ANKS1B: variants seen among roughly 807,000 people sequenced by gnomAD.
ANKS1B encodes the protein ankyrin repeat and sterile alpha motif domain-containing protein 1B.
Under a neutral mutation model 148.3 loss-of-function variants are expected in ANKS1B, and 36 were observed. The ratio of observed to expected loss-of-function variants is 0.24; its 90% CI spans 0.19 to 0.32. The LOEUF is 0.32. Ranked by LOEUF, ANKS1B falls within the 10% of genes least tolerant of loss-of-function variation. The pLI, the probability that ANKS1B is intolerant of heterozygous loss-of-function variation, is 1.00. For missense variants in ANKS1B, 1,157 were observed against 1,542.6 expected, an observed-to-expected ratio of 0.75 and a Z score of 4.19; for synonymous variants, 542 against 560.8, an observed-to-expected ratio of 0.97 and a Z score of 0.47.
chr12:99,439,206 C>G (rs2095509807), intron 11 of ANKS1B, among the ~76,000 whole-genome samples: 1 of 151,552 alleles, frequency 6.6e-6, no homozygotes, highest in South Asian at 2.1e-4. Context: ...AATATAAAAA[C>G]CAGAACGAGA....
chr12:99,040,312 G>C (rs2099958169), intron 17 of ANKS1B, among the ~76,000 whole-genome samples: 1 of 151,916 alleles, frequency 6.6e-6, no homozygotes, highest in South Asian at 2.1e-4. Flanking sequence ...TGGTACTACA[G>C]GGTCATTTAT....
chr12:99,331,145 G>A (rs777519114), intron 12 of ANKS1B, among the ~76,000 whole-genome samples: 12 of 151,694 alleles, frequency 7.9e-5, no homozygotes, highest in South Asian at 2.1e-4. Flanking sequence ...GTATATGACC[G>A]TGCATGTGTT....
At chr12:99,678,993 A>C (rs1456137948) in intron 8 of ANKS1B, among the ~76,000 whole-genome samples, 1 of 152,228 alleles carries the variant, frequency 6.6e-6, no homozygotes, top group African/African-American at 2.4e-5. Context: ...CAGTGTCTAG[A>C]ACTAAAAGAA....
At chr12:99,520,878 C>A (rs12580860) in intron 9 of ANKS1B, among the ~76,000 whole-genome samples, 3,860 of 152,240 alleles carry the variant, frequency 0.025, 77 homozygotes, top group South Asian at 0.088. Context: ...CTCACTGCAA[C>A]CTTCACTTCC....
chr12:98,851,510 C>T (rs2099525875), intron 17 of ANKS1B, among the ~76,000 whole-genome samples: 1 of 152,052 alleles, frequency 6.6e-6, no homozygotes, highest in African/African-American at 2.4e-5. Context: ...TACTTAGTTC[C>T]CTATTAATTT....
chr12:99,134,405 G>A (rs1566328095), intron 15 of ANKS1B, among the ~76,000 whole-genome samples: 1 of 152,018 alleles, frequency 6.6e-6, no homozygotes, highest in Non-Finnish European at 1.5e-5. Flanking sequence ...TGTTTGCAGA[G>A]GGTCCTGAAT....
At chr12:99,916,513 A>G (rs1163435639) in intron 1 of ANKS1B, among the ~76,000 whole-genome samples, 2 of 152,218 alleles carry the variant, frequency 1.3e-5, no homozygotes, top group East Asian at 3.8e-4. Context: ...CCCTGAGTAC[A>G]TAATTGAGAT....
intron 10 of ANKS1B, among the ~76,000 whole-genome samples, chr12:99,500,493 G>A (rs1595929134): frequency 2.0e-5 from 3 of 152,226 alleles, no homozygotes; most frequent in South Asian, 2.1e-4. Context: ...TGAACAGCCC[G>A]AGATCATAAG....
At chr12:99,016,194 G>T (rs1401860773) in intron 17 of ANKS1B, among the ~76,000 whole-genome samples, 1 of 137,700 alleles carries the variant, frequency 7.3e-6, no homozygotes, top group Admixed American at 7.6e-5. Flanking sequence ...TTAGACATTT[G>T]CTATGAAGGA....
intron 12 of ANKS1B, among the ~76,000 whole-genome samples, chr12:99,275,897 C>T (rs1361057718): frequency 6.6e-6 from 1 of 152,148 alleles, no homozygotes; most frequent in Non-Finnish European, 1.5e-5. Context: ...TCTTCAGTCT[C>T]AATTTTCCAT....
intron 9 of ANKS1B, among the ~76,000 whole-genome samples, chr12:99,509,474 T>C (rs1008422262): frequency 1.3e-5 from 2 of 151,916 alleles, no homozygotes; most frequent in African/African-American, 4.8e-5. Context: ...GGAGAAAGTT[T>C]CAGTGGTCTG....
intron 1 of ANKS1B, among the ~76,000 whole-genome samples, chr12:99,855,782 T>C (rs1308735196): frequency 6.6e-6 from 1 of 151,970 alleles, no homozygotes; most frequent in Admixed American, 6.6e-5. Context: ...TGGAAATACA[T>C]GGAAATTAAA....
intron 12 of ANKS1B, among the ~76,000 whole-genome samples, chr12:99,367,034 T>C (rs2092805594): frequency 6.6e-6 from 1 of 152,242 alleles, no homozygotes; most frequent in African/African-American, 2.4e-5. Context: ...CTGCAGGGCA[T>C]TCGGCAGTAC....
intron 7 of ANKS1B, 32 bp downstream of exon 7, chr12:99,775,516 T>C (rs369544691): frequency 3.0e-5 from 44 of 1,456,512 alleles, no homozygotes; most frequent in African/African-American, 2.4e-4. Context: ...AAGTCTAGTA[T>C]AGATTCCAGG....
chr12:98,875,900 G>A (rs1401669078), intron 17 of ANKS1B, among the ~76,000 whole-genome samples: 1 of 31,810 alleles, frequency 3.1e-5, no homozygotes, highest in East Asian at 9.8e-4. Flanking sequence ...AAGCCAGGGG[G>A]TAACTGGGGT....
At chr12:99,690,126 G>T (rs2153501714) in intron 8 of ANKS1B, among the ~76,000 whole-genome samples, 1 of 152,198 alleles carries the variant, frequency 6.6e-6, no homozygotes, top group African/African-American at 2.4e-5. Context: ...TGCTTAAAAA[G>T]CCATCAGATC....
At chr12:99,609,166 G>T (rs1234869407) in intron 9 of ANKS1B, among the ~76,000 whole-genome samples, 2 of 152,060 alleles carry the variant, frequency 1.3e-5, no homozygotes, top group Non-Finnish European at 2.9e-5. Context: ...GAGAAACTCA[G>T]ACACCTTAGA....
At chr12:99,057,617 T>C (rs887785151) in intron 16 of ANKS1B, among the ~76,000 whole-genome samples, 2 of 152,218 alleles carry the variant, frequency 1.3e-5, no homozygotes, top group African/African-American at 2.4e-5. Flanking sequence ...GTTCTCTTAC[T>C]GTATTAGAAT....
chr12:98,823,675 A>G (rs995028889), intron 19 of ANKS1B, among the ~76,000 whole-genome samples: 20 of 152,228 alleles, frequency 1.3e-4, no homozygotes, highest in Admixed American at 6.5e-4. Context: ...AGTCTTTAGT[A>G]GAGACGGGGT....
Sources: gnomAD v4.1 joint callset for allele counts (sites outside exome capture counted in the v4.1 genomes callset) on GRCh38, gnomAD v4.1.1 for gene constraint, MANE v1.5 for transcripts, NCBI Gene and HGNC (gene_info 2026-07-23, HGNC 2026-07-21) for gene names.